Variants in GPC6 observed in about 807,000 individuals in gnomAD.
GPC6 encodes glypican 6, also known as glypican-6.
Under a neutral mutation model 55.2 loss-of-function variants are expected in GPC6, and 14 were observed. The ratio of observed to expected loss-of-function variants is 0.25; its 90% CI spans 0.17 to 0.40. The LOEUF (loss-of-function observed/expected upper bound fraction) is 0.40. GPC6 is among the 10% of genes least tolerant of loss of function. The pLI is 1.00. For missense variants in GPC6, 641 were observed against 708.5 expected, an observed-to-expected ratio of 0.90 and a Z score of 1.08; for synonymous variants, 278 against 259.6, an observed-to-expected ratio of 1.07 and a Z score of -0.68.
chr13:93,641,311 G>A (rs1879926542), intron 2 of GPC6, among the ~76,000 whole-genome samples: 2 of 151,950 alleles, frequency 1.3e-5, no homozygotes, highest in Admixed American at 6.6e-5. Context: ...CAAGGGCAGT[G>A]ATAGGATTCA....
chr13:93,398,703 T>C (rs532140907), intron 1 of GPC6, among the ~76,000 whole-genome samples: 1 of 152,266 alleles, frequency 6.6e-6, no homozygotes, highest in African/African-American at 2.4e-5. Flanking sequence ...TTGACATGAA[T>C]TATCTCATTT....
intron 2 of GPC6, among the ~76,000 whole-genome samples, chr13:93,735,861 A>G (rs1040707502): frequency 1.3e-5 from 2 of 152,176 alleles, no homozygotes; most frequent in African/African-American, 4.8e-5. Flanking sequence ...TGCATCCATT[A>G]TTTGGCTAAT....
At chr13:94,239,034 T>C (rs1237485990) in intron 4 of GPC6, among the ~76,000 whole-genome samples, 3 of 152,164 alleles carry the variant, frequency 2.0e-5, no homozygotes, top group African/African-American at 7.2e-5. Flanking sequence ...ATTTTACTGC[T>C]CTTAAGTTAA....
At chr13:94,224,269 A>G (rs1273917401) in intron 4 of GPC6, among the ~76,000 whole-genome samples, 1 of 147,992 alleles carries the variant, frequency 6.8e-6, no homozygotes, top group Non-Finnish European at 1.5e-5. Flanking sequence ...ATATATATAT[A>G]TATATATATA....
intron 8 of GPC6, among the ~76,000 whole-genome samples, chr13:94,400,568 C>T (rs1285143696): frequency 1.3e-5 from 2 of 152,100 alleles, no homozygotes; most frequent in Non-Finnish European, 2.9e-5. Context: ...TTGAAGTGAT[C>T]TTATCTGGTA....
chr13:93,531,057 T>C (rs1881846696), intron 1 of GPC6, among the ~76,000 whole-genome samples: 1 of 152,002 alleles, frequency 6.6e-6, no homozygotes, highest in East Asian at 1.9e-4. Flanking sequence ...AAAAATAATA[T>C]GCAAAGGTCC....
At chr13:93,553,269 T>G (rs1875258813) in intron 2 of GPC6, among the ~76,000 whole-genome samples, 1 of 152,214 alleles carries the variant, frequency 6.6e-6, no homozygotes, top group East Asian at 1.9e-4. Context: ...ACAAATAAGA[T>G]AGTAAAGCCA....
At chr13:94,103,236 A>C (rs9516351) in intron 4 of GPC6, among the ~76,000 whole-genome samples, 41 of 152,110 alleles carry the variant, frequency 2.7e-4, no homozygotes, top group Non-Finnish European at 5.0e-4. Context: ...TTATGGCTGC[A>C]TAGTATTCCA....
At chr13:93,827,643 T>G (rs568930647) in intron 2 of GPC6, among the ~76,000 whole-genome samples, 53 of 152,302 alleles carry the variant, frequency 3.5e-4, no homozygotes, top group Middle Eastern at 3.4e-3. Context: ...ATCAGTGAAG[T>G]TAATAGAAAA....
Position 94,201,760 on chromosome 13 carries a change from C to T in GPC6, c.878-84589C>T, listed in dbSNP as rs185766189. 2.0e-5 allele frequency among the ~76,000 whole-genome samples: 3 copies of T among 152,122 alleles called. No individual in the cohort carries two copies. The East Asian group carries it at 5.8e-4, about 29-fold the overall frequency. On this transcript the variant is annotated intron_variant, in intron 4 of 8. Coordinates refer to ENST00000377047, the MANE Select transcript of GPC6 (RefSeq NM_005708.5). The stretch of plus-strand genomic sequence containing the variant: ...GGTCAGGAGTTTGAGACCAGCCTGG[C>T]CAATATGGTGAAACCCCATCTCTAC...
intron 4 of GPC6, among the ~76,000 whole-genome samples, chr13:94,254,803 G>T (rs975431058): frequency 4.6e-5 from 7 of 152,000 alleles, no homozygotes; most frequent in Non-Finnish European, 1.0e-4. Context: ...TTAAATATGG[G>T]TTCCAAACTC....
chr13:93,417,726 A>T (rs75503236), intron 1 of GPC6, among the ~76,000 whole-genome samples: 3,048 of 152,220 alleles, frequency 0.02, 116 homozygotes, highest in African/African-American at 0.069. Flanking sequence ...CATGTTTTTA[A>T]ATATATATCC....
intron 1 of GPC6, among the ~76,000 whole-genome samples, chr13:93,425,451 A>G (rs1212838140): frequency 6.6e-6 from 1 of 152,204 alleles, no homozygotes; most frequent in East Asian, 1.9e-4. Context: ...TGGGAGCTGG[A>G]AGCTGGCATC....
At chr13:93,763,754 G>A (rs995789231) in intron 2 of GPC6, among the ~76,000 whole-genome samples, 12 of 151,992 alleles carry the variant, frequency 7.9e-5, no homozygotes, top group African/African-American at 2.7e-4. Flanking sequence ...TGCTGTGTTA[G>A]CATTAACTTG....
At chr13:93,827,035 T>A (rs1887288819) in intron 2 of GPC6, among the ~76,000 whole-genome samples, 1 of 152,208 alleles carries the variant, frequency 6.6e-6, no homozygotes, top group South Asian at 2.1e-4. Flanking sequence ...CTATGAAGCG[T>A]AACTGAGCCC....
At chr13:93,631,875 T>C (rs924539410) in intron 2 of GPC6, among the ~76,000 whole-genome samples, 4 of 152,226 alleles carry the variant, frequency 2.6e-5, no homozygotes, top group African/African-American at 9.6e-5. Flanking sequence ...TTTTATGGAA[T>C]GATTCAATTT....
At chr13:94,000,154 T>A (rs1594655529) in intron 3 of GPC6, among the ~76,000 whole-genome samples, 1 of 152,300 alleles carries the variant, frequency 6.6e-6, no homozygotes, top group South Asian at 2.1e-4. Context: ...TTGTGGCTCC[T>A]ACTCACTCTT....
intron 2 of GPC6, among the ~76,000 whole-genome samples, chr13:93,611,368 G>GA (rs1290392576): frequency 6.6e-6 from 1 of 151,912 alleles, no homozygotes; most frequent in Non-Finnish European, 1.5e-5. Context: ...ACCTATCATT[G>GA]AAAAATTTCA....
chr13:93,394,091 A>T (rs1875754574), intron 1 of GPC6, among the ~76,000 whole-genome samples: 1 of 152,170 alleles, frequency 6.6e-6, no homozygotes, highest in East Asian at 1.9e-4. Context: ...CAAACATCGA[A>T]ATTGCTCCTG....
Sources: gnomAD v4.1 joint callset for allele counts (sites outside exome capture counted in the v4.1 genomes callset) on GRCh38, gnomAD v4.1.1 for gene constraint, MANE v1.5 for transcripts, NCBI Gene and HGNC (gene_info 2026-07-23, HGNC 2026-07-21) for gene names.